ZC3H3: variants seen among roughly 807,000 people sequenced by gnomAD.
ZC3H3 encodes zinc finger CCCH domain-containing protein 3.
In ZC3H3, 36 loss-of-function variants were observed where a neutral mutation model predicts 77.3. The ratio of observed to expected loss-of-function variants is 0.47; its 90% CI spans 0.36 to 0.61. The LOEUF (loss-of-function observed/expected upper bound fraction) is 0.61, where lower values mean the gene tolerates loss of function less well. Ranked by LOEUF, ZC3H3 falls within the 20% of genes least tolerant of loss-of-function variation. The pLI, the probability that ZC3H3 is intolerant of heterozygous loss-of-function variation, is 0.00. For missense variants in ZC3H3, 1,331 were observed against 1,312.2 expected (o/e 1.01, Z -0.22); for synonymous variants, 626 against 555.2 (o/e 1.13, Z -1.79).
rs1237014592 is a variant in ZC3H3 at position 143,536,333 on chromosome 8, G to A, written c.1485C>T (p.Asn495=). 2.5e-6 allele frequency: 4 copies of A among 1,611,162 alleles called. No individual in the cohort carries two copies. The highest frequency in any genetic ancestry group is 2.5e-6 in the Non-Finnish European group (3 of 1,179,174). Residue 495 remains asparagine (N), a synonymous_variant, in exon 3 of 12, where the codon AAC becomes AAT. Coordinates refer to ENST00000262577, the MANE Select transcript of ZC3H3 (RefSeq NM_015117.3). ...GCGTGGTGACCTGTACCAGGCCCTT[G>A]TTGGGGGTCTTCTTCAGGACAGGGC... The part of the protein sequence containing the change: ...KSSPVLKKTP[N]KGLVQVTTHR...
chr8:143,452,816 G>A (rs533407949), intron 9 of ZC3H3, among the ~76,000 whole-genome samples: 50 of 152,264 alleles, frequency 3.3e-4, no homozygotes, highest in African/African-American at 1.0e-3. Context: ...CAGAGCCTTC[G>A]GGACCTTGGG....
chr8:143,516,560 C>T (rs868014496), intron 3 of ZC3H3, among the ~76,000 whole-genome samples: 1 of 78,498 alleles, frequency 1.3e-5, no homozygotes, highest in Non-Finnish European at 2.6e-5. Flanking sequence ...CACACACACA[C>T]ACACACATAC....
intron 9 of ZC3H3, among the ~76,000 whole-genome samples, chr8:143,451,936 G>A (rs1426436057): frequency 6.6e-6 from 1 of 152,216 alleles, no homozygotes; most frequent in Non-Finnish European, 1.5e-5. Flanking sequence ...CTGCGGAGAA[G>A]GTGCTGATGG....
chr8:143,492,011 C>T (rs1821218438), intron 4 of ZC3H3, among the ~76,000 whole-genome samples: 1 of 152,154 alleles, frequency 6.6e-6, no homozygotes, highest in Admixed American at 6.5e-5. Context: ...TGGCTCGTAT[C>T]CCTGGGGAGG....
intron 4 of ZC3H3, among the ~76,000 whole-genome samples, chr8:143,499,418 C>T (rs1371515705): frequency 1.3e-5 from 2 of 152,078 alleles, no homozygotes; most frequent in South Asian, 4.1e-4. Context: ...TGTGCTCTGG[C>T]CCTGGGTCTT....
At chr8:143,529,517 G>A (rs1472629287) in intron 3 of ZC3H3, among the ~76,000 whole-genome samples, 2 of 152,208 alleles carry the variant, frequency 1.3e-5, no homozygotes, top group Non-Finnish European at 2.9e-5. Context: ...ACTCAGAGAG[G>A]TCACATGAAC....
intron 3 of ZC3H3, among the ~76,000 whole-genome samples, chr8:143,516,837 T>A (rs1822069823): frequency 1.3e-5 from 2 of 152,166 alleles, no homozygotes; most frequent in South Asian, 4.1e-4. Context: ...GACAAACATT[T>A]ACGGATTATC....
At position 143,538,801 on chromosome 8, in the gene ZC3H3, A is replaced by G; in HGVS notation, c.566T>C (p.Leu189Pro). The change falls in exon 2 of 12, where the codon CTT becomes CCT. Residue 189 changes from leucine (L) to proline (P), a missense_variant. Coordinates refer to ENST00000262577, the MANE Select transcript of ZC3H3 (RefSeq NM_015117.3). Reference sequence around the variant, plus strand: ...ACCAGGCTCCTTCTGGCAGACCAGAAGAGGATCTTCCACACTGCAGGTCCC... The same window carrying G: ...ACCAGGCTCCTTCTGGCAGACCAGAGGAGGATCTTCCACACTGCAGGTCCC... ...ARGTCSVEDP[L>P]LVCQKEPGKP... 2 of 1,612,452 alleles carry G rather than the reference A, an allele frequency of 1.2e-6. No homozygotes were observed. The highest frequency in any genetic ancestry group is 1.7e-6 in the Non-Finnish European group (2 of 1,179,848).
chr8:143,527,355 C>T (rs1042945775), intron 3 of ZC3H3, among the ~76,000 whole-genome samples: 1 of 152,162 alleles, frequency 6.6e-6, no homozygotes, highest in Non-Finnish European at 1.5e-5. Flanking sequence ...CCAAGCTGTC[C>T]CCAGTGTGGG....
rs1821254376 is a variant in ZC3H3, at chr8:143,493,194, AGGGTCCCGTGTCCTGGCCCAGG to A, written c.1715+14530_1715+14551del. Among the ~76,000 whole-genome samples the A allele has an allele frequency of 2.0e-5, 3 of 146,956 alleles. No homozygotes were observed. Among genetic ancestry groups the A allele is most frequent in the Admixed American group, 2.0e-4 (3 of 14,818 alleles). On this transcript the variant is annotated intron_variant, in intron 4 of 11. Transcript: ENST00000262577. The surrounding 1 kb of genome is among the most constrained non-coding windows in gnomAD (Gnocchi z 4.8). ...GTCCTGGCCCAGGGGCTCCCTCCTC[AGGGTCCCGTGTCCTGGCCCAGG>A]GGCTCCCTCCTCAGGGTCCTGTGTC... is the stretch of plus-strand genomic sequence containing the variant.
At chr8:143,474,451 C>G (rs1393506303) in intron 5 of ZC3H3, among the ~76,000 whole-genome samples, 1 of 152,228 alleles carries the variant, frequency 6.6e-6, no homozygotes, top group Non-Finnish European at 1.5e-5. Flanking sequence ...GCCAGGGCCC[C>G]CGTGCTGCTC....
chr8:143,492,344 T>A (rs1821231329), intron 4 of ZC3H3, among the ~76,000 whole-genome samples: 1 of 151,762 alleles, frequency 6.6e-6, no homozygotes, highest in Non-Finnish European at 1.5e-5. Flanking sequence ...ACCTCCCTCC[T>A]CCCACCAGGG....
intron 4 of ZC3H3, among the ~76,000 whole-genome samples, chr8:143,477,854 C>T (rs1231290320): frequency 6.6e-6 from 1 of 152,202 alleles, no homozygotes; most frequent in East Asian, 1.9e-4. Context: ...GCAGCACCAG[C>T]CACTCACAGA....
At chr8:143,536,956 C>A (rs568085204) in intron 2 of ZC3H3, among the ~76,000 whole-genome samples, 32 of 152,226 alleles carry the variant, frequency 2.1e-4, no homozygotes, top group African/African-American at 7.5e-4. Flanking sequence ...GAGAAACAGC[C>A]AGGAGTGGGA....
intron 3 of ZC3H3, among the ~76,000 whole-genome samples, chr8:143,515,779 G>A (rs1184657555): frequency 3.3e-5 from 5 of 152,262 alleles, no homozygotes; most frequent in South Asian, 2.1e-4. Flanking sequence ...GGGCCAGGCA[G>A]GGGCTGGGCC....
At chr8:143,497,045 G>T (rs744781) in intron 4 of ZC3H3, among the ~76,000 whole-genome samples, 1 of 152,204 alleles carries the variant, frequency 6.6e-6, no homozygotes, top group African/African-American at 2.4e-5. Context: ...TTTATAAAGG[G>T]AGAGAAAGCA....
chr8:143,528,795 G>A (rs1014753865), intron 3 of ZC3H3, among the ~76,000 whole-genome samples: 25 of 152,220 alleles, frequency 1.6e-4, no homozygotes, highest in Admixed American at 9.8e-4. Context: ...GCCTCCTGAG[G>A]GAGCGAGGCC....
intron 1 of ZC3H3, among the ~76,000 whole-genome samples, chr8:143,539,664 C>T (rs2130529569): frequency 6.6e-6 from 1 of 152,298 alleles, no homozygotes; most frequent in Middle Eastern, 3.4e-3. Context: ...TGAAGAGAAT[C>T]GCAATGATCC....
rs540051425 is a variant in ZC3H3, at chr8:143,517,432, G to A, written c.1562-9533C>T. The stretch of plus-strand genomic sequence containing the variant: ...GAGCAGGAGGAAACCGGACCAAGTT[G>A]GGCCTGTACCCCAGGCCGCGCTCCA... On this transcript the variant is annotated intron_variant, in intron 3 of 11. Coordinates refer to ENST00000262577, the MANE Select transcript of ZC3H3 (RefSeq NM_015117.3). Among the ~76,000 whole-genome samples, 5 of 152,172 alleles carry A rather than the reference G, an allele frequency of 3.3e-5. No homozygotes were observed. The South Asian group carries it at 1.0e-3, about 31-fold the overall frequency.
Sources: gnomAD v4.1 joint callset for allele counts (sites outside exome capture counted in the v4.1 genomes callset) on GRCh38, gnomAD v4.1.1 for gene constraint, Gnocchi (gnomAD v3.1) non-coding constraint, MANE v1.5 for transcripts, NCBI Gene and HGNC (gene_info 2026-07-23, HGNC 2026-07-21) for gene names.